Variants in NRXN3 observed in about 807,000 individuals in gnomAD.
The protein encoded by NRXN3 is neurexin 3.
NRXN3 carries 32 observed loss-of-function variants against 137.6 expected under a neutral mutation model. The ratio of observed to expected loss-of-function variants is 0.23; its 90% CI spans 0.18 to 0.31. NRXN3 has a LOEUF of 0.31. Ranked by LOEUF, NRXN3 falls within the 10% of genes least tolerant of loss-of-function variation. The probability of loss-of-function intolerance (pLI) is 1.00; values close to 1 mark genes in which losing one functional copy is unlikely to be tolerated. For synonymous variants in NRXN3, 798 were observed against 784.5 expected (o/e 1.02, Z -0.29); for missense variants, 1,574 against 2,062.5 (o/e 0.76, Z 4.59).
chr14:78,303,762 T>G (rs1054281194), intron 4 of NRXN3, among the ~76,000 whole-genome samples: 1 of 152,126 alleles, frequency 6.6e-6, no homozygotes, highest in Non-Finnish European at 1.5e-5. Flanking sequence ...CTCCCTCTTA[T>G]CCTTGAAGAT....
intron 15 of NRXN3, among the ~76,000 whole-genome samples, chr14:79,253,225 G>C (rs568011638): frequency 3.3e-4 from 50 of 152,282 alleles, no homozygotes; most frequent in African/African-American, 1.1e-3. Context: ...CTGTTCTTCT[G>C]TGGGAAAGGG....
At chr14:79,479,478 A>G (rs1426555876) in intron 16 of NRXN3, among the ~76,000 whole-genome samples, 3 of 152,030 alleles carry the variant, frequency 2.0e-5, no homozygotes, top group Non-Finnish European at 4.4e-5. Context: ...TTTCAGTGTC[A>G]TAGATATAGA....
At chr14:78,285,209 T>C (rs1405322655) in intron 3 of NRXN3, among the ~76,000 whole-genome samples, 6 of 152,188 alleles carry the variant, frequency 3.9e-5, no homozygotes, top group African/African-American at 1.4e-4. Flanking sequence ...CCTTCTCCAT[T>C]ACCAAAGACT....
rs2099418779 is a variant in NRXN3, at chr14:79,868,176, G to A, written c.*6212G>A. On this transcript the variant is annotated 3_prime_UTR_variant, in exon 21 of 21. Coordinates refer to ENST00000335750, the MANE Select transcript of NRXN3 (RefSeq NM_001330195.2). ...AAATAATTATCCTTAAATAAATGTT[G>A]GTCGTTATTACAATTGGCTTTGTTA... 1 of 152,102 alleles carries A rather than the reference G, an allele frequency of 6.6e-6. No homozygotes were observed. The highest frequency in any genetic ancestry group is 2.4e-5 in the African/African-American group (1 of 41,410). 9.4% of individuals were successfully genotyped at this position (152,102 alleles called of 1,614,324 possible). A position where few individuals can be genotyped will look rare whatever the true frequency, so the allele number is the denominator to read the frequency against.
intron 4 of NRXN3, among the ~76,000 whole-genome samples, chr14:78,467,212 T>A (rs1301510893): frequency 6.6e-6 from 1 of 152,180 alleles, no homozygotes; most frequent in African/African-American, 2.4e-5. Context: ...CACATTTGGC[T>A]CAGAATAAAT....
chr14:79,789,375 G>T (rs1216263103), intron 19 of NRXN3, among the ~76,000 whole-genome samples: 1 of 152,078 alleles, frequency 6.6e-6, no homozygotes, highest in African/African-American at 2.4e-5. Flanking sequence ...CAGGAAAGAG[G>T]TCCCGACTTA....
intron 3 of NRXN3, among the ~76,000 whole-genome samples, chr14:78,291,867 A>G (rs1401933634): frequency 1.3e-5 from 2 of 152,236 alleles, no homozygotes; most frequent in Non-Finnish European, 2.9e-5. Context: ...CGAGTGAAAT[A>G]AAAGTCTTGG....
In NRXN3 at chr14:78,223,964, G is replaced by A. The variant is rs190810939; in HGVS notation, c.-703-18427G>A. 2.0e-5 allele frequency among the ~76,000 whole-genome samples: 3 copies of A among 152,298 alleles called. 1 individual carries two copies. Among genetic ancestry groups the A allele is most frequent in the East Asian group, 1.9e-4 (1 of 5,182 alleles). ...CCATGGATGGTTGAGAACTAGGCAC[G>A]GGGATCAAGCCCGGGCCCCTCTCCT... On this transcript the variant is annotated intron_variant, in intron 1 of 20. Coordinates refer to ENST00000335750, the MANE Select transcript of NRXN3 (RefSeq NM_001330195.2).
intron 16 of NRXN3, among the ~76,000 whole-genome samples, chr14:79,537,651 A>G (rs1601801560): frequency 6.6e-6 from 1 of 152,184 alleles, no homozygotes. Flanking sequence ...ATAGTATTCC[A>G]TGGTGTATAT....
intron 10 of NRXN3, among the ~76,000 whole-genome samples, chr14:78,845,535 C>T (rs1439571244): frequency 6.6e-6 from 1 of 152,002 alleles, no homozygotes; most frequent in Non-Finnish European, 1.5e-5. Context: ...TCCCCACTGA[C>T]TTCTGCTCCT....
intron 19 of NRXN3, among the ~76,000 whole-genome samples, chr14:79,751,967 G>A (rs926495830): frequency 4.6e-5 from 7 of 152,084 alleles, no homozygotes; most frequent in Admixed American, 1.3e-4. Context: ...TGCTGGATTC[G>A]GTTTGCCAGT....
chr14:79,097,217 A>C (rs866811822), intron 15 of NRXN3, among the ~76,000 whole-genome samples: 3 of 152,166 alleles, frequency 2.0e-5, no homozygotes, highest in Admixed American at 6.5e-5. Flanking sequence ...GCATAGCCTG[A>C]AGTTGAGAAC....
At chr14:79,323,087 G>T (rs1476155716) in intron 15 of NRXN3, among the ~76,000 whole-genome samples, 1 of 152,210 alleles carries the variant, frequency 6.6e-6, no homozygotes, top group Non-Finnish European at 1.5e-5. Flanking sequence ...CTGCCAGAGG[G>T]CAGTGGCGCA....
At chr14:78,736,581 C>G (rs1182186977) in intron 8 of NRXN3, among the ~76,000 whole-genome samples, 3 of 152,164 alleles carry the variant, frequency 2.0e-5, no homozygotes, top group Non-Finnish European at 2.9e-5. Flanking sequence ...ATTAACCCTA[C>G]TTTAAAATGC....
At chr14:79,707,314 A>G (rs1048292668) in intron 19 of NRXN3, among the ~76,000 whole-genome samples, 7 of 152,200 alleles carry the variant, frequency 4.6e-5, no homozygotes, top group Admixed American at 3.9e-4. Flanking sequence ...GTGGGGGCCA[A>G]TATAATTTAT....
intron 20 of NRXN3, among the ~76,000 whole-genome samples, chr14:79,850,099 T>C (rs973392494): frequency 1.3e-5 from 2 of 152,200 alleles, no homozygotes; most frequent in Admixed American, 6.5e-5. Flanking sequence ...GTATATTTCA[T>C]AGGAGAAACA....
intron 18 of NRXN3, among the ~76,000 whole-genome samples, chr14:79,694,233 T>A (rs1286104058): frequency 6.6e-6 from 1 of 151,912 alleles, no homozygotes; most frequent in African/African-American, 2.4e-5. Context: ...TATCTCAGAT[T>A]TCCCATCTGA....
intron 16 of NRXN3, among the ~76,000 whole-genome samples, chr14:79,542,544 C>G (rs2097283402): frequency 6.6e-6 from 1 of 152,144 alleles, no homozygotes; most frequent in Non-Finnish European, 1.5e-5. Context: ...GCTGTTTCAT[C>G]TGATAGTTGT....
At chr14:79,824,971 A>G (rs143716185) in intron 20 of NRXN3, among the ~76,000 whole-genome samples, 6 of 152,380 alleles carry the variant, frequency 3.9e-5, no homozygotes, top group East Asian at 1.9e-4. Flanking sequence ...GGTATTACCA[A>G]TCCTATAACC....
Sources: gnomAD v4.1 joint callset for allele counts (sites outside exome capture counted in the v4.1 genomes callset) on GRCh38, gnomAD v4.1.1 for gene constraint, MANE v1.5 for transcripts, NCBI Gene and HGNC (gene_info 2026-07-23, HGNC 2026-07-21) for gene names.